The following AKAP12 variants were observed in gnomAD, a reference collection of about 807,000 sequenced individuals.
The protein encoded by AKAP12 is A-kinase anchor protein 12.
AKAP12 carries 32 observed loss-of-function variants against 79.9 expected under a neutral mutation model. That is an observed-to-expected ratio of 0.40 (90% CI 0.30 to 0.54). The LOEUF (loss-of-function observed/expected upper bound fraction) is 0.54. Ranked by LOEUF, AKAP12 falls within the 20% of genes least tolerant of loss-of-function variation. AKAP12 has a pLI of 0.48. For synonymous variants in AKAP12, 808 were observed against 857.0 expected (o/e 0.94, Z 1.00); for missense variants, 2,074 against 2,177.0 (o/e 0.95, Z 0.94).
chr6:151,338,754 G>A (rs560221780), intron 3 of AKAP12, among the ~76,000 whole-genome samples: 1 of 152,284 alleles, frequency 6.6e-6, no homozygotes, highest in East Asian at 1.9e-4. Context: ...CCCGGCCATA[G>A]GTTACTCATT....
intron 2 of AKAP12, among the ~76,000 whole-genome samples, chr6:151,267,159 G>A (rs554827766): frequency 3.9e-5 from 6 of 151,974 alleles, no homozygotes; most frequent in African/African-American, 1.2e-4. Flanking sequence ...ACAGATCAAC[G>A]GGAAGGAATT....
At chr6:151,282,903 C>T (rs958514054) in intron 2 of AKAP12, among the ~76,000 whole-genome samples, 1 of 152,212 alleles carries the variant, frequency 6.6e-6, no homozygotes, top group Admixed American at 6.5e-5. Flanking sequence ...TCTTCATCTT[C>T]ATGGAGTTTA....
chr6:151,259,395 A>T (rs1305349025), intron 2 of AKAP12, among the ~76,000 whole-genome samples: 1 of 149,594 alleles, frequency 6.7e-6, no homozygotes, highest in Admixed American at 6.7e-5. Context: ...CTTTTAAAAA[A>T]TAGCATATAT....
At chr6:151,283,170 G>A (rs1776440539) in intron 2 of AKAP12, among the ~76,000 whole-genome samples, 1 of 152,140 alleles carries the variant, frequency 6.6e-6, no homozygotes, top group African/African-American at 2.4e-5. Context: ...CAGATTGAGC[G>A]TTAAGGTAGA....
chr6:151,316,474 C>G (rs1777237003), intron 3 of AKAP12, among the ~76,000 whole-genome samples: 2 of 152,170 alleles, frequency 1.3e-5, no homozygotes, highest in South Asian at 4.1e-4. Context: ...TCTCACAGTT[C>G]TGGAGGCTGG....
intron 3 of AKAP12, among the ~76,000 whole-genome samples, chr6:151,342,033 T>A (rs1266010336): frequency 6.6e-6 from 1 of 152,178 alleles, no homozygotes; most frequent in Non-Finnish European, 1.5e-5. Flanking sequence ...CCGAAGACTC[T>A]GGCTTGAAAG....
At chr6:151,258,719 C>T (rs1485395459) in intron 2 of AKAP12, among the ~76,000 whole-genome samples, 2 of 151,762 alleles carry the variant, frequency 1.3e-5, no homozygotes, top group African/African-American at 4.8e-5. Flanking sequence ...TATCTTGGCT[C>T]CTGGGTTCAA....
At chr6:151,319,086 A>G (rs1333406432) in intron 3 of AKAP12, among the ~76,000 whole-genome samples, 1 of 152,226 alleles carries the variant, frequency 6.6e-6, no homozygotes, top group Non-Finnish European at 1.5e-5. Flanking sequence ...TATTTATTCT[A>G]CATCACTTTT....
At chr6:151,345,930 T>TGAGAGAGAGAGAGAGAGAGA in intron 3 of AKAP12, among the ~76,000 whole-genome samples, 1 of 108,814 alleles carries the variant, frequency 9.2e-6, no homozygotes, top group Middle Eastern at 4.3e-3. Context: ...TGTGTGTGTG[T>TGAGAGAGAGAGAGAGAGAGA]GTGAGAGAGA....
chr6:151,256,962 A>ATATATAT (rs1554319585), intron 2 of AKAP12, among the ~76,000 whole-genome samples: 15 of 151,154 alleles, frequency 9.9e-5, no homozygotes, highest in Middle Eastern at 3.4e-3. Context: ...ATATATATAT[A>ATATATAT]AACTTTAAAT....
Position 151,352,210 on chromosome 6 carries a change from G to GA in AKAP12, c.3823dup (p.Thr1275AsnfsTer11). 1 of 1,614,194 alleles carries GA rather than the reference G, an allele frequency of 6.2e-7. No homozygotes were observed. Among genetic ancestry groups the GA allele is most frequent in the Non-Finnish European group, 8.5e-7 (1 of 1,180,044 alleles). On this transcript the variant is annotated frameshift_variant, in exon 4 of 5. Transcript: ENST00000402676. LOFTEE classifies it low-confidence loss of function (END_TRUNC). ...AAGAGGCTGACCAGTATGCTGATGA[G>GA]AAAACCAAAGACGTACCATTTTTCG...
chr6:151,272,189 C>T (rs1426662574), intron 2 of AKAP12, among the ~76,000 whole-genome samples: 1 of 151,712 alleles, frequency 6.6e-6, no homozygotes, highest in Admixed American at 6.6e-5. Flanking sequence ...AAATAAAATA[C>T]AAGAAATTAG....
At chr6:151,270,693 T>C (rs1776163274) in intron 2 of AKAP12, among the ~76,000 whole-genome samples, 1 of 152,202 alleles carries the variant, frequency 6.6e-6, no homozygotes, top group Non-Finnish European at 1.5e-5. Context: ...TAACACTTGT[T>C]ATCTGCCCTT....
intron 3 of AKAP12, among the ~76,000 whole-genome samples, chr6:151,327,737 T>C (rs779749430): frequency 5.1e-4 from 77 of 152,182 alleles, no homozygotes; most frequent in South Asian, 1.4e-3. Flanking sequence ...GGACTAACTT[T>C]TAAGGCAAAA....
chr6:151,240,863 C>T (rs1477576334), intron 2 of AKAP12, 139 bp downstream of exon 2: 2 of 852,536 alleles, frequency 2.3e-6, no homozygotes, highest in Non-Finnish European at 3.1e-6. Flanking sequence ...GAGTGCGAAC[C>T]CCTCTTTGGA....
chr6:151,352,346 G>A lies in AKAP12; in HGVS notation c.3955G>A (p.Ala1319Thr), dbSNP rs1483597495. The change falls in exon 4 of 5, where the codon GCT becomes ACT. Residue 1319 changes from alanine (A) to threonine (T), a missense_variant. Ala to Thr is a moderately conservative substitution (Grantham distance 58, BLOSUM62 0). Coordinates refer to ENST00000402676, the MANE Select transcript of AKAP12 (RefSeq NM_005100.4). ...AGAAGCTGAATGTAAAAAGGATGAT[G>A]CTCTTGAACTGCAGAGTCACGCTAA... ...TEEAECKKDD[A>T]LELQSHAKSP... is the part of the protein sequence containing the mutation. 1 of 1,614,194 alleles carries A rather than the reference G, an allele frequency of 6.2e-7. No homozygotes were observed. The highest frequency in any genetic ancestry group is 1.7e-5 in the Admixed American group (1 of 60,022).
In AKAP12 at chr6:151,351,463, G is replaced by A. The variant is rs370631860; in HGVS notation, c.3072G>A (p.Glu1024=). The A allele has an allele frequency of 7.2e-5, 116 of 1,614,080 alleles. No individual in the cohort carries two copies. Among genetic ancestry groups the A allele is most frequent in the Non-Finnish European group, 9.2e-5 (108 of 1,180,054 alleles). ...DTTEEATPVQ[E]VEGGVPDIEE... is the part of the protein sequence containing the mutation. ...CAGAGGAGGCCACTCCGGTGCAGGA[G>A]GTGGAAGGTGGCGTACCTGACATAG... is the stretch of plus-strand genomic sequence containing the variant. Residue 1024 remains glutamate, a synonymous_variant, in exon 4 of 5, where the codon GAG becomes GAA. Coordinates refer to ENST00000402676, the MANE Select transcript of AKAP12 (RefSeq NM_005100.4). This position sits in a 1 kb window ranked among gnomAD's most constrained non-coding sequence, Gnocchi z 4.4.
At chr6:151,325,635 G>C in intron 3 of AKAP12, 1 of 1,385,958 alleles carries the variant, frequency 7.2e-7, no homozygotes, top group Non-Finnish European at 9.3e-7. Flanking sequence ...GCGTGGGTGG[G>C]GGTCCGCCTA....
At chr6:151,313,796 C>T (rs1286344118) in intron 3 of AKAP12, among the ~76,000 whole-genome samples, 1 of 152,128 alleles carries the variant, frequency 6.6e-6, no homozygotes, top group South Asian at 2.1e-4. Context: ...TTTGCGTGAT[C>T]TTGATTTGAA....
Sources: allele counts gnomAD v4.1 joint callset (sites outside exome capture counted in the v4.1 genomes callset), GRCh38; gene constraint gnomAD v4.1.1; non-coding constraint Gnocchi (gnomAD v3.1); transcripts MANE v1.5; gene names NCBI Gene and HGNC (gene_info 2026-07-23, HGNC 2026-07-21).